PRDM8: variants seen among roughly 807,000 people sequenced by gnomAD.
PRDM8 encodes PR domain zinc finger protein 8.
In PRDM8, 13 loss-of-function variants were observed where a neutral mutation model predicts 46.5. The ratio of observed to expected loss-of-function variants is 0.28; its 90% CI spans 0.18 to 0.44. The LOEUF is 0.44. Among genes scored for constraint, PRDM8 ranks in the 20% least tolerant of loss-of-function variants. PRDM8 has a pLI of 1.00. For synonymous variants in PRDM8, 473 were observed against 438.4 expected (o/e 1.08, Z -0.98); for missense variants, 998 against 955.0 (o/e 1.04, Z -0.59).
chr4:80,202,644 C>T lies in PRDM8; in HGVS notation c.1182C>T (p.Arg394=). Residue 394 remains arginine (R), a synonymous_variant, in exon 4 of 4, where the codon CGC becomes CGT. Coordinates refer to ENST00000415738, the MANE Select transcript of PRDM8 (RefSeq NM_001099403.2). The part of the protein sequence containing the change: ...SAFVEVKKAA[R]AASLQEEGTA... ...TCGTGGAGGTGAAGAAGGCTGCCCG[C>T]GCGGCCAGCCTGCAGGAGGAGGGGA... The T allele has an allele frequency of 6.6e-7, 1 of 1,505,930 alleles. No individual in the cohort carries two copies. Among genetic ancestry groups the T allele is most frequent in the Non-Finnish European group, 8.8e-7 (1 of 1,132,516 alleles). 93.3% of individuals were successfully genotyped at this position (1,505,930 alleles called of 1,614,324 possible).
upstream of PRDM8, chr4:80,196,070 C>A: frequency 1.0e-6 from 1 of 985,230 alleles, no homozygotes. Context: ...AGCCTCAATA[C>A]CCCACTGAGT....
chr4:80,203,304 C>T lies in PRDM8; in HGVS notation c.1842C>T (p.Pro614=). The T allele has an allele frequency of 2.5e-6, 4 of 1,611,848 alleles. No homozygotes were observed. Among genetic ancestry groups the T allele is most frequent in the South Asian group, 1.1e-5 (1 of 90,664 alleles). ...QLPSALTLLP[P]SFTSLCLPAQ... ...CCTCGGCGCTCACGCTGCTGCCGCC[C>T]TCCTTCACCTCGCTGTGTCTGCCCG... Residue 614 remains proline (P), a synonymous_variant, in exon 4 of 4, where the codon CCC becomes CCT. Transcript: ENST00000415738.
chr4:80,190,592 C>A (rs954225346), intron 1 of PRDM8, among the ~76,000 whole-genome samples: 1 of 152,228 alleles, frequency 6.6e-6, no homozygotes, highest in Non-Finnish European at 1.5e-5. Context: ...GGATCTCTCC[C>A]AGGGAAACCC....
rs1738070764 is a variant in PRDM8 at position 80,197,697 on chromosome 4, C to T, written c.-69C>T. The T allele has an allele frequency of 2.0e-6, 2 of 982,956 alleles. No homozygotes were observed. Among genetic ancestry groups the T allele is most frequent in the East Asian group, 2.3e-4 (2 of 8,794 alleles). The allele number at this position is 982,956 out of a possible 1,614,324, so 60.9% of individuals were successfully genotyped here. ...CACTGATACAATAGGCAAAAGGAAA[C>T]ACTCGATTGCATCTTCCCGGTTCCA... On this transcript the variant is annotated 5_prime_UTR_variant, in exon 1 of 4. Coordinates refer to ENST00000415738, the MANE Select transcript of PRDM8 (RefSeq NM_001099403.2).
chr4:80,188,991 C>T (rs749461013), intron 1 of PRDM8, among the ~76,000 whole-genome samples: 1 of 152,168 alleles, frequency 6.6e-6, no homozygotes, highest in Non-Finnish European at 1.5e-5. Flanking sequence ...TCAGTTACCT[C>T]GTCCTGCCAA....
In PRDM8 at chr4:80,203,303, C is replaced by T. The variant is rs1738729102; in HGVS notation, c.1841C>T (p.Pro614Leu). The change falls in exon 4 of 4, where the codon CCC becomes CTC. Residue 614 changes from proline (P) to leucine (L), a missense_variant. Transcript: ENST00000415738. ...QLPSALTLLP[P>L]SFTSLCLPAQ... The stretch of plus-strand genomic sequence containing the variant: ...CCCTCGGCGCTCACGCTGCTGCCGC[C>T]CTCCTTCACCTCGCTGTGTCTGCCC... 1 of 1,611,662 alleles carries T rather than the reference C, an allele frequency of 6.2e-7. No homozygotes were observed. The highest frequency in any genetic ancestry group is 8.5e-7 in the Non-Finnish European group (1 of 1,179,382).
chr4:80,188,711 G>A (rs989599160), intron 1 of PRDM8, among the ~76,000 whole-genome samples: 2 of 152,212 alleles, frequency 1.3e-5, no homozygotes, highest in African/African-American at 4.8e-5. Flanking sequence ...TAGCCTGGGC[G>A]GAAAGTTTCA....
At chr4:80,198,803 G>T (rs941101521) in intron 1 of PRDM8, among the ~76,000 whole-genome samples, 2 of 151,988 alleles carry the variant, frequency 1.3e-5, no homozygotes, top group African/African-American at 4.8e-5. Flanking sequence ...TGCAGGAAAA[G>T]AATTAGATCT....
chr4:80,200,374 G>A, intron 2 of PRDM8, 75 bp downstream of exon 2: 1 of 1,307,202 alleles, frequency 7.6e-7, no homozygotes, highest in South Asian at 1.3e-5. Flanking sequence ...TAATTATAAT[G>A]ACAAGTGGAG....
At chr4:80,196,756 C>T (rs1171810532), upstream of PRDM8, among the ~76,000 whole-genome samples, 1 of 151,374 alleles carries the variant, frequency 6.6e-6, no homozygotes, top group Non-Finnish European at 1.5e-5. Flanking sequence ...AAAAAAAAAA[C>T]AGGAACTGTT....
chr4:80,201,487 G>A lies in PRDM8; in HGVS notation c.417G>A (p.Leu139=). Residue 139 remains leucine, a synonymous_variant, in exon 3 of 4, where the codon TTG becomes TTA. Coordinates refer to ENST00000415738, the MANE Select transcript of PRDM8 (RefSeq NM_001099403.2). ...GGAAAGAACTGACTGAGTTACTCTT[G>A]CTCTGCCCCTCTAGATCCCACAACA... The part of the protein sequence containing the change: ...WYGKELTELL[L]LCPSRSHNKM... 6 of 1,614,100 alleles carry A rather than the reference G, an allele frequency of 3.7e-6. No individual in the cohort carries two copies. In the East Asian group the frequency reaches 1.1e-4, roughly 30 times the overall value.
rs1308873992 is a variant in PRDM8 at position 80,203,142 on chromosome 4, G to A, written c.1680G>A (p.Gly560=). The A allele has an allele frequency of 8.4e-6, 13 of 1,555,742 alleles. No homozygotes were observed. The highest frequency in any genetic ancestry group is 1.8e-4 in the Middle Eastern group (1 of 5,506). Residue 560 remains glycine (G), a synonymous_variant, in exon 4 of 4, where the codon GGG becomes GGA. Transcript: ENST00000415738. ...QGAADLNGGC[G]SLPSGGGGLP... is the part of the protein sequence containing the mutation. Reference sequence around the variant, plus strand: ...CCGCGGACCTGAACGGAGGTTGCGGGTCCCTGCCGAGCGGCGGCGGCGGCC... The same window carrying A: ...CCGCGGACCTGAACGGAGGTTGCGGATCCCTGCCGAGCGGCGGCGGCGGCC...
In PRDM8 at chr4:80,202,613, G is replaced by C. The variant is rs1738598543; in HGVS notation, c.1151G>C (p.Ser384Thr). The stretch of plus-strand genomic sequence containing the variant: ...CCCGAGACGGGCGAGGCGAAGCGCA[G>C]CGCCTTCGTGGAGGTGAAGAAGGCT... ...PSPETGEAKR[S>T]AFVEVKKAAR... is the part of the protein sequence containing the mutation. The change falls in exon 4 of 4, where the codon AGC becomes ACC. Residue 384 changes from serine to threonine, a missense_variant. Physicochemically the swap from Ser to Thr is moderately conservative, Grantham distance 58 (BLOSUM62 1). Transcript: ENST00000415738. 1 of 1,531,754 alleles carries C rather than the reference G, an allele frequency of 6.5e-7. No individual in the cohort carries two copies. Among genetic ancestry groups the C allele is most frequent in the East Asian group, 2.5e-5 (1 of 40,386 alleles). 94.9% of individuals were successfully genotyped at this position (1,531,754 alleles called of 1,614,324 possible). A position where few individuals can be genotyped will look rare whatever the true frequency, so the allele number is the denominator to read the frequency against.
chr4:80,186,792 A>T (rs1005397665), intron 1 of PRDM8, among the ~76,000 whole-genome samples: 1 of 152,218 alleles, frequency 6.6e-6, no homozygotes, highest in African/African-American at 2.4e-5. Flanking sequence ...TATCAATATA[A>T]TGCGGCCTTT....
chr4:80,201,067 T>G (rs1738403891), intron 2 of PRDM8, among the ~76,000 whole-genome samples: 1 of 152,232 alleles, frequency 6.6e-6, no homozygotes, highest in African/African-American at 2.4e-5. Context: ...TTAAATAAAC[T>G]ATATGATTGA....
upstream of PRDM8, among the ~76,000 whole-genome samples, chr4:80,195,628 T>A (rs1245109979): frequency 6.6e-6 from 1 of 152,022 alleles, no homozygotes; most frequent in East Asian, 1.9e-4. Flanking sequence ...GATTCTTACA[T>A]ACAGGCATGT....
chr4:80,202,895 C>A lies in PRDM8; in HGVS notation c.1433C>A (p.Thr478Lys). 1 of 1,321,592 alleles carries A rather than the reference C, an allele frequency of 7.6e-7. No homozygotes were observed. The highest frequency in any genetic ancestry group is 9.6e-7 in the Non-Finnish European group (1 of 1,046,432). The allele number at this position is 1,321,592 out of a possible 1,614,324, so 81.9% of individuals were successfully genotyped here. A position where few individuals can be genotyped will look rare whatever the true frequency, so the allele number is the denominator to read the frequency against. ...SAGSTSGGGG[T>K]GAGAAGGAGG... ...GGCAGCACCAGCGGTGGGGGCGGAA[C>A]GGGCGCCGGGGCCGCAGGCGGCGCG... The change falls in exon 4 of 4, where the codon ACG becomes AAG. Residue 478 changes from threonine (T) to lysine (K), a missense_variant. Thr to Lys is a moderately conservative substitution (Grantham distance 78). Coordinates refer to ENST00000415738, the MANE Select transcript of PRDM8 (RefSeq NM_001099403.2).
chr4:80,194,545 TATTGTC>T (rs1243947061), upstream of PRDM8, among the ~76,000 whole-genome samples: 1 of 152,218 alleles, frequency 6.6e-6, no homozygotes, highest in Non-Finnish European at 1.5e-5. Flanking sequence ...CCCTATTAAT[TATTGTC>T]ATTTAGGACA....
At chr4:80,196,429 A>G, upstream of PRDM8, 1 of 985,438 alleles carries the variant, frequency 1.0e-6, no homozygotes, top group Non-Finnish European at 1.2e-6. Flanking sequence ...GAAGGAGTCA[A>G]CTTGCAGGCT....
Sources: allele counts gnomAD v4.1 joint callset (sites outside exome capture counted in the v4.1 genomes callset), GRCh38; gene constraint gnomAD v4.1.1; transcripts MANE v1.5; gene names NCBI Gene and HGNC (gene_info 2026-07-23, HGNC 2026-07-21).